Variants in TRNAU1AP observed in about 807,000 individuals in gnomAD.
The protein encoded by TRNAU1AP is tRNA selenocysteine 1-associated protein 1.
In TRNAU1AP, 33 loss-of-function variants were observed where a neutral mutation model predicts 43.3. That is an observed-to-expected ratio of 0.76 (90% CI 0.58 to 1.02). The LOEUF (loss-of-function observed/expected upper bound fraction) is 1.02. Ranked by LOEUF, TRNAU1AP falls within the 50% of genes least tolerant of loss-of-function variation. The probability of loss-of-function intolerance (pLI) is 0.00; values close to 1 mark genes in which losing one functional copy is unlikely to be tolerated. For missense variants in TRNAU1AP, 290 were observed against 362.7 expected (o/e 0.80, Z 1.63); for synonymous variants, 143 against 129.1 (o/e 1.11, Z -0.73).
intron 2 of TRNAU1AP, among the ~76,000 whole-genome samples, chr1:28,554,242 G>T (rs1665203876): frequency 6.6e-6 from 1 of 150,760 alleles, no homozygotes; most frequent in African/African-American, 2.5e-5. Context: ...GGACTCAAGC[G>T]AGACTGGGTT....
intron 8 of TRNAU1AP, among the ~76,000 whole-genome samples, chr1:28,574,227 A>G (rs1185455718): frequency 2.6e-5 from 4 of 151,918 alleles, no homozygotes; most frequent in South Asian, 4.2e-4. Context: ...AGCTGGGATT[A>G]CAGGCATGCA....
chr1:28,557,311 T>G (rs1665287381), intron 2 of TRNAU1AP, among the ~76,000 whole-genome samples: 1 of 151,272 alleles, frequency 6.6e-6, no homozygotes, highest in Admixed American at 6.6e-5. Context: ...TCCCAGCTAC[T>G]CGGGAGGCTG....
rs1317315525 is a variant in TRNAU1AP, at chr1:28,577,728, T to A, written c.*92T>A. ...GAAACCTTTTTGGAAATATGATTTG[T>A]AAGATTTTAATAATGACTGTTTTTG... On this transcript the variant is annotated 3_prime_UTR_variant, in exon 9 of 9. Coordinates refer to ENST00000373830, the MANE Select transcript of TRNAU1AP (RefSeq NM_017846.5). 8.8e-5 allele frequency: 118 copies of A among 1,348,040 alleles called. No individual in the cohort carries two copies. The highest frequency in any genetic ancestry group is 1.1e-4 in the Non-Finnish European group (108 of 980,216). 83.5% of individuals were successfully genotyped at this position (1,348,040 alleles called of 1,614,324 possible).
At chr1:28,561,621 G>T (rs1441478499) in intron 4 of TRNAU1AP, among the ~76,000 whole-genome samples, 1 of 152,182 alleles carries the variant, frequency 6.6e-6, no homozygotes, top group Non-Finnish European at 1.5e-5. Flanking sequence ...ACTCCTCACA[G>T]TATTGAAGTT....
intron 3 of TRNAU1AP, 30 bp from the exon 4 acceptor site, chr1:28,561,316 G>C (rs941172121): frequency 6.2e-7 from 1 of 1,613,744 alleles, no homozygotes; most frequent in Non-Finnish European, 8.5e-7. Flanking sequence ...ACCTTTCTCT[G>C]TTTTAGTTTG....
chr1:28,556,105 G>A (rs534161662), intron 2 of TRNAU1AP, among the ~76,000 whole-genome samples: 27 of 152,062 alleles, frequency 1.8e-4, no homozygotes, highest in South Asian at 4.1e-4. Flanking sequence ...GCCTGCCTTG[G>A]CCTCCCAAAG....
intron 6 of TRNAU1AP, among the ~76,000 whole-genome samples, chr1:28,570,759 A>C (rs1039470038): frequency 1.3e-5 from 2 of 152,108 alleles, no homozygotes; most frequent in Non-Finnish European, 2.9e-5. Context: ...ATAATGATAC[A>C]CTTATTGCAT....
intron 4 of TRNAU1AP, 114 bp downstream of exon 4, chr1:28,561,512 G>T: frequency 1.7e-6 from 2 of 1,161,384 alleles, no homozygotes; most frequent in Non-Finnish European, 1.3e-6. Flanking sequence ...GAAGGACGAC[G>T]CTCTTCTCCC....
At chr1:28,558,713 C>T (rs867364978) in intron 2 of TRNAU1AP, among the ~76,000 whole-genome samples, 8 of 151,608 alleles carry the variant, frequency 5.3e-5, no homozygotes, top group Middle Eastern at 3.4e-3. Context: ...TATAGGTGCC[C>T]GCCACCACGC....
chr1:28,555,382 G>A (rs570114735), intron 2 of TRNAU1AP, among the ~76,000 whole-genome samples: 7 of 152,098 alleles, frequency 4.6e-5, no homozygotes, highest in African/African-American at 1.7e-4. Context: ...AACCAAATGC[G>A]TATTTTCAGA....
rs375331922 is a variant in TRNAU1AP, at chr1:28,557,136, T to C, written c.125+3399T>C. On this transcript the variant is annotated intron_variant, in intron 2 of 8. Transcript: ENST00000373830. ...CCTTACTGTTTATTGAAATAAGATA[T>C]GGGCCAGGCACAGTGGCTCACACCT... Among the ~76,000 whole-genome samples the C allele has an allele frequency of 3.3e-5, 5 of 150,112 alleles. No homozygotes were observed. In the East Asian group the frequency reaches 8.4e-4, roughly 25 times the overall value.
chr1:28,566,934 C>G (rs1665554301), intron 5 of TRNAU1AP, among the ~76,000 whole-genome samples: 1 of 152,252 alleles, frequency 6.6e-6, no homozygotes, highest in Non-Finnish European at 1.5e-5. Context: ...GCCTGGCATA[C>G]AGGGCAGACT....
At position 28,560,616 on chromosome 1, in the gene TRNAU1AP, ATT is replaced by A; in HGVS notation, c.126-15_126-14del. On this transcript the variant is annotated splice_polypyrimidine_tract_variant and intron_variant, in intron 2 of 8. Transcript: ENST00000373830. Reference sequence around the variant, plus strand: ...TTATCTTTAACCATTTTCTTTCTCTATTTGCTTTTTTTCCAGGATCCCAGCTG... The same window carrying A: ...TTATCTTTAACCATTTTCTTTCTCTATGCTTTTTTTCCAGGATCCCAGCTG... 6 of 1,603,818 alleles carry A rather than the reference ATT, an allele frequency of 3.7e-6. No individual in the cohort carries two copies. The highest frequency in any genetic ancestry group is 5.1e-6 in the Non-Finnish European group (6 of 1,171,548).
In TRNAU1AP at chr1:28,560,621, CT is replaced by C. The variant is rs749192850; in HGVS notation, c.126-5del. On this transcript the variant is annotated splice_polypyrimidine_tract_variant and intron_variant, in intron 2 of 8. Coordinates refer to ENST00000373830, the MANE Select transcript of TRNAU1AP (RefSeq NM_017846.5). The stretch of plus-strand genomic sequence containing the variant: ...TTTAACCATTTTCTTTCTCTATTTG[CT>C]TTTTTTCCAGGATCCCAGCTGGCTA... 20 of 1,609,730 alleles carry C rather than the reference CT, an allele frequency of 1.2e-5. No homozygotes were observed. The East Asian group carries it at 2.9e-4, about 23-fold the overall frequency.
chr1:28,561,033 C>T, intron 3 of TRNAU1AP: 1 of 1,346,080 alleles, frequency 7.4e-7, no homozygotes, highest in Non-Finnish European at 9.5e-7. Flanking sequence ...CTCTAGACCT[C>T]TTGCCTGATT....
chr1:28,575,077 C>A (rs1269271517), intron 8 of TRNAU1AP, among the ~76,000 whole-genome samples: 1 of 152,188 alleles, frequency 6.6e-6, no homozygotes, highest in African/African-American at 2.4e-5. Context: ...CCCTGGGAGA[C>A]ATTGCCTTCT....
rs1414226572 is a variant in TRNAU1AP at position 28,567,338 on chromosome 1, G to A, written c.455G>A (p.Arg152Gln). 6 of 1,613,770 alleles carry A rather than the reference G, an allele frequency of 3.7e-6. No individual in the cohort carries two copies. The African/African-American group carries it at 4.0e-5, about 11-fold the overall frequency. ...VKFTDELEQK[R>Q]ALTECQGAVG... ...TTCACAGATGAACTGGAACAGAAGCGAGCCCTGACGGAGTGCCAGGGAGCA... is the reference window on the plus strand; with the variant it reads ...TTCACAGATGAACTGGAACAGAAGCAAGCCCTGACGGAGTGCCAGGGAGCA... Residue 152 changes from arginine to glutamine, a missense_variant, in exon 6 of 9, where the codon CGA becomes CAA. This residue lies in a region of TRNAU1AP where 174 missense variants were observed against 262.1 expected (regional missense o/e 0.66). Transcript: ENST00000373830.
In TRNAU1AP at chr1:28,553,139, T is replaced by C. The variant is rs1282739019; in HGVS notation, c.27+2T>C. 1.3e-6 allele frequency: 2 copies of C among 1,514,904 alleles called. No homozygotes were observed. The highest frequency in any genetic ancestry group is 1.8e-6 in the Non-Finnish European group (2 of 1,128,134). 93.8% of individuals were successfully genotyped at this position (1,514,904 alleles called of 1,614,324 possible). On this transcript the variant is annotated splice_donor_variant, in intron 1 of 8. Coordinates refer to ENST00000373830, the MANE Select transcript of TRNAU1AP (RefSeq NM_017846.5). LOFTEE classifies it high-confidence loss of function. ...GCGGCCAGCCTGTGGATGGGCGACG[T>C]GAGTGAGGGCAGCCGTCCGGGGTCT...
intron 5 of TRNAU1AP, among the ~76,000 whole-genome samples, chr1:28,566,777 G>T (rs977745714): frequency 6.9e-6 from 1 of 144,854 alleles, no homozygotes; most frequent in African/African-American, 2.7e-5. Context: ...AAAAAAAAAA[G>T]AGAGAGAAAA....
Sources: gnomAD v4.1 joint callset for allele counts (sites outside exome capture counted in the v4.1 genomes callset) on GRCh38, gnomAD v4.1.1 for gene constraint, gnomAD v4.1.1 regional missense constraint, MANE v1.5 for transcripts, NCBI Gene and HGNC (gene_info 2026-07-23, HGNC 2026-07-21) for gene names.